Variants in LIPA observed in about 807,000 individuals in gnomAD.
The protein encoded by LIPA is lipase A, lysosomal acid type.
LIPA carries 26 observed loss-of-function variants against 40.6 expected under a neutral mutation model. The observed-to-expected ratio is 0.64, with a 90% confidence interval of 0.47 to 0.89. The LOEUF is 0.89. LIPA is among the 40% of genes least tolerant of loss of function. The pLI is 0.00. For synonymous variants in LIPA, 188 were observed against 168.4 expected (o/e 1.12, Z -0.90); for missense variants, 455 against 479.6 (o/e 0.95, Z 0.48).
At chr10:89,344,716 G>A (rs1442920255), upstream of LIPA, among the ~76,000 whole-genome samples, 1 of 151,786 alleles carries the variant, frequency 6.6e-6, no homozygotes, top group East Asian at 1.9e-4. Flanking sequence ...CCCCTCAAAG[G>A]GAAACACTTT....
chr10:89,252,674 T>C (rs1843144864), upstream of LIPA, among the ~76,000 whole-genome samples: 1 of 151,898 alleles, frequency 6.6e-6, no homozygotes, highest in Non-Finnish European at 1.5e-5. Context: ...GGTGTGGTGG[T>C]GTGTGCCTCT....
chr10:89,298,640 G>A (rs1843428791), intron 1 of LIPA, among the ~76,000 whole-genome samples: 1 of 152,038 alleles, frequency 6.6e-6, no homozygotes, highest in South Asian at 2.1e-4. Context: ...ACCTTCAAAG[G>A]AATACAATTC....
At chr10:89,381,086 T>G (rs183766874) in intron 2 of LIPA, among the ~76,000 whole-genome samples, 1 of 152,328 alleles carries the variant, frequency 6.6e-6, no homozygotes, top group Admixed American at 6.5e-5. Flanking sequence ...AAGACTGATC[T>G]CTTTCTACTG....
intron 1 of LIPA, among the ~76,000 whole-genome samples, chr10:89,320,906 T>A (rs1843567603): frequency 6.6e-6 from 1 of 151,740 alleles, no homozygotes; most frequent in African/African-American, 2.4e-5. Flanking sequence ...CCCTCAGAAA[T>A]AATACCACAC....
upstream of LIPA, among the ~76,000 whole-genome samples, chr10:89,254,295 C>T (rs917851431): frequency 2.1e-4 from 32 of 152,340 alleles, no homozygotes; most frequent in African/African-American, 7.0e-4. Context: ...TGGAGGTTCC[C>T]AAACCTCAAT....
At chr10:89,305,217 T>G (rs923687560) in intron 1 of LIPA, among the ~76,000 whole-genome samples, 1 of 151,564 alleles carries the variant, frequency 6.6e-6, no homozygotes, top group African/African-American at 2.4e-5. Flanking sequence ...TGAGTAAAAA[T>G]TAAGAATGGT....
intron 2 of LIPA, among the ~76,000 whole-genome samples, chr10:89,410,795 G>A (rs1215448861): frequency 2.6e-5 from 4 of 152,178 alleles, no homozygotes; most frequent in Admixed American, 2.6e-4. Flanking sequence ...CCAAGGAGGT[G>A]GCAGTCTTAC....
intron 1 of LIPA, among the ~76,000 whole-genome samples, chr10:89,279,960 A>G (rs1380539532): frequency 6.6e-6 from 1 of 152,248 alleles, no homozygotes; most frequent in Non-Finnish European, 1.5e-5. Flanking sequence ...ATACAGTGAT[A>G]TTCACTTCAA....
At chr10:89,325,027 A>G (rs531942046) in intron 1 of LIPA, among the ~76,000 whole-genome samples, 15 of 152,336 alleles carry the variant, frequency 9.8e-5, no homozygotes, top group African/African-American at 3.1e-4. Context: ...CATTGTGCAC[A>G]TGTACCCAAG....
At chr10:89,224,564 T>C (rs1842742703) in intron 6 of LIPA, among the ~76,000 whole-genome samples, 3 of 152,254 alleles carry the variant, frequency 2.0e-5, no homozygotes. Context: ...TAAAACTCTT[T>C]TTCATGAAAT....
chr10:89,307,951 G>A (rs1312654833), intron 1 of LIPA: 1 of 152,846 alleles, frequency 6.5e-6, no homozygotes, highest in African/African-American at 2.4e-5. Flanking sequence ...GAATTCAAGT[G>A]CCTGATTAAT....
upstream of LIPA, among the ~76,000 whole-genome samples, chr10:89,255,294 T>C (rs961680729): frequency 1.8e-4 from 28 of 152,190 alleles, no homozygotes; most frequent in South Asian, 6.2e-4. Context: ...AGGCACGTCT[T>C]ACATGGCAGC....
intron 2 of LIPA, among the ~76,000 whole-genome samples, chr10:89,368,842 A>G (rs1844076048): frequency 6.6e-6 from 1 of 151,878 alleles, no homozygotes; most frequent in Non-Finnish European, 1.5e-5. Context: ...AGAAAGACAT[A>G]CCCCCAGACC....
intron 1 of LIPA, among the ~76,000 whole-genome samples, chr10:89,261,441 G>C (rs182618369): frequency 1.3e-5 from 2 of 152,130 alleles, no homozygotes; most frequent in African/African-American, 4.8e-5. Flanking sequence ...GGAGGAGGAG[G>C]TTGCAGTGAG....
At chr10:89,394,597 TATA>T (rs1366948326) in intron 2 of LIPA, among the ~76,000 whole-genome samples, 2 of 19,076 alleles carry the variant, frequency 1.0e-4, no homozygotes, top group African/African-American at 6.2e-4. Context: ...TATATATATA[TATA>T]TATATATATA....
At chr10:89,229,194 A>C (rs1842808850) in intron 3 of LIPA, among the ~76,000 whole-genome samples, 1 of 152,260 alleles carries the variant, frequency 6.6e-6, no homozygotes, top group African/African-American at 2.4e-5. Flanking sequence ...ATGAGCTATC[A>C]AGCCACAAAA....
rs141164000 is a variant in LIPA, at chr10:89,308,564, C to G, written c.-2+34047G>C. ...GAGAAATCACAAAATTCACGGTATG[C>G]TTGGAACGATTGAGATTTTCTAGGT... On this transcript the variant is annotated intron_variant, in intron 1 of 5. Coordinates refer to the LIPA transcript ENST00000282673. The G allele has an allele frequency of 1.7e-3, 262 of 152,242 alleles. 3 individuals carry two copies. Among genetic ancestry groups the G allele is most frequent in the African/African-American group, 5.8e-3 (241 of 41,540 alleles). 9.4% of individuals were successfully genotyped at this position (152,242 alleles called of 1,614,324 possible).
At chr10:89,367,086 A>G (rs1844061695) in intron 2 of LIPA, among the ~76,000 whole-genome samples, 1 of 150,962 alleles carries the variant, frequency 6.6e-6, no homozygotes, top group Admixed American at 6.6e-5. Context: ...CAAAAAACCA[A>G]ACACTGCCTG....
At chr10:89,318,405 G>A (rs1000513964) in intron 1 of LIPA, among the ~76,000 whole-genome samples, 6 of 152,160 alleles carry the variant, frequency 3.9e-5, no homozygotes, top group African/African-American at 1.4e-4. Context: ...AAAAAGCAGG[G>A]TTGCAATCCT....
Sources: gnomAD v4.1 joint callset for allele counts (sites outside exome capture counted in the v4.1 genomes callset) on GRCh38, gnomAD v4.1.1 for gene constraint, MANE v1.5 for transcripts, NCBI Gene and HGNC (gene_info 2026-07-23, HGNC 2026-07-21) for gene names.